Variants in SAMSN1 observed in about 807,000 individuals in gnomAD.
SAMSN1 encodes SAM domain-containing protein SAMSN-1.
In SAMSN1, 31 loss-of-function variants were observed where a neutral mutation model predicts 42.0. The ratio of observed to expected loss-of-function variants is 0.74; its 90% CI spans 0.55 to 1.00. The LOEUF (loss-of-function observed/expected upper bound fraction) is 1.00. Ranked by LOEUF, SAMSN1 falls within the 50% of genes least tolerant of loss-of-function variation. The pLI is 0.00. For synonymous variants in SAMSN1, 178 were observed against 151.9 expected, an observed-to-expected ratio of 1.17 and a Z score of -1.26; for missense variants, 464 against 439.4, an observed-to-expected ratio of 1.06 and a Z score of -0.50.
At chr21:14,611,377 T>G (rs1396669635) in intron 4 of SAMSN1, among the ~76,000 whole-genome samples, 2 of 152,228 alleles carry the variant, frequency 1.3e-5, no homozygotes, top group Non-Finnish European at 2.9e-5. Context: ...TTACTACAGA[T>G]AAATCATTCT....
At chr21:14,540,327 A>G (rs1362155839) in intron 1 of SAMSN1, among the ~76,000 whole-genome samples, 2 of 152,228 alleles carry the variant, frequency 1.3e-5, no homozygotes. Flanking sequence ...CTGCACAGCA[A>G]AAGAAACTAC....
chr21:14,573,389 G>A (rs1981362372), intron 2 of SAMSN1, among the ~76,000 whole-genome samples: 1 of 152,162 alleles, frequency 6.6e-6, no homozygotes, highest in Non-Finnish European at 1.5e-5. Context: ...TGTTCATGAA[G>A]AAGTTTCTGT....
At chr21:14,644,963 G>T (rs1472399509) in intron 1 of SAMSN1, among the ~76,000 whole-genome samples, 1 of 152,138 alleles carries the variant, frequency 6.6e-6, no homozygotes, top group African/African-American at 2.4e-5. Flanking sequence ...GAGTGGGAAG[G>T]CTGGTGTGGT....
intron 1 of SAMSN1, among the ~76,000 whole-genome samples, chr21:14,530,337 G>T (rs201679470): frequency 6.2e-5 from 4 of 64,068 alleles, no homozygotes; most frequent in Non-Finnish European, 8.7e-5. Flanking sequence ...AAAAAAAAAA[G>T]AAAGAAATAA....
intron 1 of SAMSN1, among the ~76,000 whole-genome samples, chr21:14,525,133 C>T (rs776600285): frequency 6.6e-6 from 1 of 152,092 alleles, no homozygotes; most frequent in Non-Finnish European, 1.5e-5. Context: ...TACCATTTTG[C>T]AAACCCCTAA....
intron 1 of SAMSN1, among the ~76,000 whole-genome samples, chr21:14,540,151 TTAAAGAC>T (rs1979914018): frequency 1.3e-5 from 2 of 152,172 alleles, no homozygotes; most frequent in South Asian, 4.1e-4. Context: ...TCAAGATGGA[TTAAAGAC>T]TTACATGTTA....
At chr21:14,596,029 T>C (rs1477047113) in intron 6 of SAMSN1, among the ~76,000 whole-genome samples, 1 of 152,184 alleles carries the variant, frequency 6.6e-6, no homozygotes, top group Non-Finnish European at 1.5e-5. Context: ...AGTTCATTCA[T>C]AAAAATTATT....
In SAMSN1 at chr21:14,597,341, G is replaced by T. The variant is rs543324646; in HGVS notation, c.400-3263C>A. On this transcript the variant is annotated intron_variant, in intron 6 of 15. Coordinates refer to the SAMSN1 transcript ENST00000647101. Reference sequence around the variant, plus strand: ...TCTACACGCATCTCCCAAAAATTGTGTGCTATGTTGGATACAGTTTTAATT... The same window carrying T: ...TCTACACGCATCTCCCAAAAATTGTTTGCTATGTTGGATACAGTTTTAATT... 7.5e-4 allele frequency among the ~76,000 whole-genome samples: 114 copies of T among 152,216 alleles called. 2 individuals are homozygous for T. Among genetic ancestry groups the T allele is most frequent in the African/African-American group, 2.7e-3 (111 of 41,546 alleles).
intron 5 of SAMSN1, among the ~76,000 whole-genome samples, chr21:14,506,627 G>C (rs1053454521): frequency 2.6e-5 from 4 of 152,090 alleles, no homozygotes; most frequent in Non-Finnish European, 5.9e-5. Context: ...AAGAAGAATT[G>C]GTACCAATCC....
At chr21:14,576,501 G>A (rs1242105270) in intron 2 of SAMSN1, among the ~76,000 whole-genome samples, 1 of 152,122 alleles carries the variant, frequency 6.6e-6, no homozygotes, top group Non-Finnish European at 1.5e-5. Context: ...GTGAAGCTGT[G>A]TATCCTAAGA....
At chr21:14,495,374 T>C (rs1372137685) in intron 7 of SAMSN1, among the ~76,000 whole-genome samples, 1 of 152,240 alleles carries the variant, frequency 6.6e-6, no homozygotes, top group Non-Finnish European at 1.5e-5. Flanking sequence ...TTCTTCTTTA[T>C]TTCTTGAGCA....
intron 2 of SAMSN1, among the ~76,000 whole-genome samples, chr21:14,625,204 T>C (rs1295360598): frequency 6.6e-6 from 1 of 152,122 alleles, no homozygotes; most frequent in Non-Finnish European, 1.5e-5. Context: ...CGCATTCCCT[T>C]TGAAAACTGG....
intron 2 of SAMSN1, among the ~76,000 whole-genome samples, chr21:14,518,635 AG>A (rs1300500743): frequency 1.3e-5 from 2 of 152,220 alleles, no homozygotes; most frequent in Non-Finnish European, 2.9e-5. Flanking sequence ...TTAATATAAA[AG>A]TTTAACCACA....
rs1467345038 is a variant in SAMSN1, at chr21:14,500,667, T to C, written c.630A>G (p.Lys210=). The C allele has an allele frequency of 6.2e-7, 1 of 1,614,162 alleles. No homozygotes were observed. The highest frequency in any genetic ancestry group is 1.1e-5 in the South Asian group (1 of 91,078). ...MGMWTGMLNN[K]VGNFKFIYVD... is the part of the protein sequence containing the mutation. ...CATAAATGAATTTGAAGTTTCCCAC[T>C]TTATTGTTCAACATTCCTGTCCACA... Residue 210 remains lysine (K), a synonymous_variant, in exon 6 of 8, where the codon AAA becomes AAG. Transcript: ENST00000400566.
chr21:14,488,730 G>T (rs926702452), intron 7 of SAMSN1, among the ~76,000 whole-genome samples: 3 of 151,928 alleles, frequency 2.0e-5, no homozygotes, highest in Admixed American at 1.3e-4. Flanking sequence ...TATGGAAAAA[G>T]AAAATAGTTT....
At chr21:14,626,152 G>T (rs1477770454) in intron 2 of SAMSN1, among the ~76,000 whole-genome samples, 1 of 152,134 alleles carries the variant, frequency 6.6e-6, no homozygotes, top group East Asian at 1.9e-4. Context: ...AGACTTACAT[G>T]TCAGACCTAA....
chr21:14,648,863 G>T (rs1442758963), intron 1 of SAMSN1, among the ~76,000 whole-genome samples: 2 of 151,994 alleles, frequency 1.3e-5, no homozygotes, highest in Non-Finnish European at 2.9e-5. Context: ...TCAGTGTGGT[G>T]ATTCCTCAGG....
intron 2 of SAMSN1, among the ~76,000 whole-genome samples, chr21:14,628,141 C>G (rs962364332): frequency 6.6e-6 from 1 of 152,100 alleles, no homozygotes; most frequent in South Asian, 2.1e-4. Context: ...AGCATCCAAT[C>G]AATGGGATAG....
rs1268485489 is a variant in SAMSN1, at chr21:14,485,951, G to A, written c.1083C>T (p.Asp361=). 1.9e-6 allele frequency: 3 copies of A among 1,613,554 alleles called. No individual in the cohort carries two copies. The highest frequency in any genetic ancestry group is 2.5e-6 in the Non-Finnish European group (3 of 1,179,700). ...KEDLESENLS[D]MVHKIIITEP... is the part of the protein sequence containing the mutation. ...CTGTGATAATAATCTTATGTACCAT[G>A]TCAGACAGATTTTCAGACTCCAGAT... is the stretch of plus-strand genomic sequence containing the variant. Residue 361 remains aspartate (D), a synonymous_variant, in exon 8 of 8, where the codon GAC becomes GAT. Coordinates refer to ENST00000400566, the MANE Select transcript of SAMSN1 (RefSeq NM_022136.5).
Sources: allele counts gnomAD v4.1 joint callset (sites outside exome capture counted in the v4.1 genomes callset), GRCh38; gene constraint gnomAD v4.1.1; transcripts MANE v1.5; gene names NCBI Gene and HGNC (gene_info 2026-07-23, HGNC 2026-07-21).